Variants in FBXL18 observed in about 807,000 individuals in gnomAD.
The protein encoded by FBXL18 is F-box/LRR-repeat protein 18.
Under a neutral mutation model 46.0 loss-of-function variants are expected in FBXL18, and 36 were observed. The observed-to-expected ratio is 0.78, with a 90% CI of 0.60 to 1.03. The LOEUF is 1.03. Among genes scored for constraint, FBXL18 ranks in the 50% least tolerant of loss-of-function variants. The pLI is 0.00. For synonymous variants in FBXL18, 557 were observed against 465.3 expected, an observed-to-expected ratio of 1.20 and a Z score of -2.54; for missense variants, 977 against 1,004.1, an observed-to-expected ratio of 0.97 and a Z score of 0.36.
chr7:5,457,439 T>C (rs1451670189), intron 4 of FBXL18, among the ~76,000 whole-genome samples: 3 of 152,150 alleles, frequency 2.0e-5, no homozygotes, highest in Non-Finnish European at 2.9e-5. Context: ...CACTGCACAT[T>C]TTCCATCACA....
intron 1 of FBXL18, among the ~76,000 whole-genome samples, chr7:5,506,014 G>C (rs139792341): frequency 6.6e-6 from 1 of 152,136 alleles, no homozygotes; most frequent in Non-Finnish European, 1.5e-5. Flanking sequence ...ACAGACGCAT[G>C]CCACTTTGTC....
chr7:5,461,793 T>C (rs1204740633), intron 4 of FBXL18, among the ~76,000 whole-genome samples: 1 of 151,966 alleles, frequency 6.6e-6, no homozygotes, highest in East Asian at 1.9e-4. Context: ...ATACAAAAAT[T>C]GGCCAGGCAT....
At chr7:5,474,797 T>G (rs1238885621), downstream of FBXL18, among the ~76,000 whole-genome samples, 6 of 150,770 alleles carry the variant, frequency 4.0e-5, no homozygotes, top group Non-Finnish European at 8.9e-5. Flanking sequence ...AAGCTCCGCC[T>G]CCCGGGTTCA....
At chr7:5,461,998 C>G (rs946378255) in intron 4 of FBXL18, among the ~76,000 whole-genome samples, 3 of 151,976 alleles carry the variant, frequency 2.0e-5, no homozygotes, top group African/African-American at 7.2e-5. Context: ...CTCCTGTAAT[C>G]CCAGCACTAT....
chr7:5,465,921 G>T (rs1584184908), intron 4 of FBXL18, among the ~76,000 whole-genome samples: 1 of 151,664 alleles, frequency 6.6e-6, no homozygotes, highest in South Asian at 2.1e-4. Flanking sequence ...AGGTTCAAGC[G>T]ATTCTCCTGC....
At position 5,506,553 on chromosome 7, in the gene FBXL18, C is replaced by CTTTTTT. The variant is rs111764029; in HGVS notation, c.19-929_19-924dup. Among the ~76,000 whole-genome samples, 45 of 138,898 alleles carry CTTTTTT rather than the reference C, an allele frequency of 3.2e-4. No homozygotes were observed. The Middle Eastern group carries it at 0.011, about 35-fold the overall frequency. 91.1% of individuals were successfully genotyped at this position (138,898 alleles called of 152,430 possible). ...TGCAGGTGTGAGCCACCATGCCCGG[C>CTTTTTT]TTTTTTTTTTTTTTTCTTTTGGAGA... On this transcript the variant is annotated intron_variant, in intron 1 of 4. Coordinates refer to ENST00000382368, the MANE Select transcript of FBXL18 (RefSeq NM_024963.6).
chr7:5,509,410 T>A (rs1784472458), intron 1 of FBXL18, among the ~76,000 whole-genome samples: 1 of 152,140 alleles, frequency 6.6e-6, no homozygotes, highest in Non-Finnish European at 1.5e-5. Context: ...AACAGAAATT[T>A]TGGACAGGCG....
At chr7:5,456,035 A>G (rs964326195) in intron 4 of FBXL18, among the ~76,000 whole-genome samples, 2 of 151,868 alleles carry the variant, frequency 1.3e-5, no homozygotes, top group East Asian at 1.9e-4. Flanking sequence ...AGTCCTTCTC[A>G]GCATCTGCTT....
chr7:5,482,600 T>C (rs546029147), intron 4 of FBXL18, among the ~76,000 whole-genome samples: 88 of 143,642 alleles, frequency 6.1e-4, no homozygotes, highest in African/African-American at 2.2e-3. Context: ...AGACGCTGCA[T>C]TGAGCTCGAC....
In FBXL18 at chr7:5,496,320, C is replaced by T. The variant is rs1784080040; in HGVS notation, c.1781+4168G>A. ...CCTCCACCCGCGGTGGCTGCCGTCACCTCTGCCTCTTGCTTCCGGAACACC... is the reference window on the plus strand; with the variant it reads ...CCTCCACCCGCGGTGGCTGCCGTCATCTCTGCCTCTTGCTTCCGGAACACC... On this transcript the variant is annotated intron_variant, in intron 3 of 4. Coordinates refer to ENST00000382368, the MANE Select transcript of FBXL18 (RefSeq NM_024963.6). The surrounding 1 kb of genome is among the most constrained non-coding windows in gnomAD (Gnocchi z 4.8). Among the ~76,000 whole-genome samples the T allele has an allele frequency of 6.6e-6, 1 of 152,202 alleles. No homozygotes were observed. Among genetic ancestry groups the T allele is most frequent in the Admixed American group, 6.5e-5 (1 of 15,276 alleles).
chr7:5,474,686 T>TTTTATTTA (rs57021114), downstream of FBXL18, among the ~76,000 whole-genome samples: 8,169 of 39,104 alleles, frequency 0.21, 296 homozygotes, highest in South Asian at 0.27. Flanking sequence ...GCACTTTATT[T>TTTTATTTA]TTTATTTATT....
rs183826223 is a variant in FBXL18 at position 5,508,253 on chromosome 7, A to G, written c.19-2623T>C. On this transcript the variant is annotated intron_variant, in intron 1 of 4. Transcript: ENST00000382368. ...TGCACTCCAGCCTGGTGACAGAGCA[A>G]GACTCCATCTCAAAAAAAAAAAAAG... Among the ~76,000 whole-genome samples, 14 of 148,570 alleles carry G rather than the reference A, an allele frequency of 9.4e-5. No homozygotes were observed. In the East Asian group the frequency reaches 2.8e-3, roughly 30 times the overall value.
rs2128232702 is a variant in FBXL18, at chr7:5,476,133, G to C, written c.*5642C>G. 1 of 152,792 alleles carries C rather than the reference G, an allele frequency of 6.5e-6. No homozygotes were observed. Among genetic ancestry groups the C allele is most frequent in the Middle Eastern group, 3.4e-3 (1 of 298 alleles). The allele number at this position is 152,792 out of a possible 1,614,324, so 9.5% of individuals were successfully genotyped here. A position where few individuals can be genotyped will look rare whatever the true frequency, so the allele number is the denominator to read the frequency against. ...TGCTCAGAAGGTGGCGAAGGGGCTGGAGGGAGATACCACCGACGGCTGCAG... is the reference window on the plus strand; with the variant it reads ...TGCTCAGAAGGTGGCGAAGGGGCTGCAGGGAGATACCACCGACGGCTGCAG... On this transcript the variant is annotated 3_prime_UTR_variant, in exon 5 of 5. Transcript: ENST00000382368.
At chr7:5,472,265 A>G (rs552868362), downstream of FBXL18, among the ~76,000 whole-genome samples, 2 of 152,054 alleles carry the variant, frequency 1.3e-5, no homozygotes, top group Non-Finnish European at 2.9e-5. Context: ...TGGCCACAAC[A>G]TGACCTCCCA....
chr7:5,479,288 G>A lies in FBXL18; in HGVS notation c.*2487C>T, dbSNP rs560198678. On this transcript the variant is annotated 3_prime_UTR_variant, in exon 5 of 5. Coordinates refer to ENST00000382368, the MANE Select transcript of FBXL18 (RefSeq NM_024963.6). ...TCATGAGAACAGGACACCCAGGCGC[G>A]ATCGTACACACGCTAGGATGCATTC... 3.3e-5 allele frequency: 5 copies of A among 152,304 alleles called. No homozygotes were observed. The highest frequency in any genetic ancestry group is 1.3e-4 in the Admixed American group (2 of 15,296). 9.4% of individuals were successfully genotyped at this position (152,304 alleles called of 1,614,324 possible).
Position 5,491,271 on chromosome 7 carries a change from G to T in FBXL18, c.1960C>A (p.Leu654Ile). ...VMCHLFTGES[L>I]ATCKSLQQSL... is the part of the protein sequence containing the mutation. ...TGCTGCAGGCTCTTGCAGGTGGCGAGGGACTCCCCGGTGAACAGGTGGCAC... is the reference window on the plus strand; with the variant it reads ...TGCTGCAGGCTCTTGCAGGTGGCGATGGACTCCCCGGTGAACAGGTGGCAC... Residue 654 changes from leucine (L) to isoleucine (I), a missense_variant, in exon 4 of 5, where the codon CTC (leucine) becomes ATC (isoleucine). Coordinates refer to ENST00000382368, the MANE Select transcript of FBXL18 (RefSeq NM_024963.6). 6.2e-7 allele frequency: 1 copy of T among 1,613,206 alleles called. No homozygotes were observed. The highest frequency in any genetic ancestry group is 1.1e-5 in the South Asian group (1 of 90,932).
chr7:5,495,784 C>G, intron 3 of FBXL18: 1 of 472,740 alleles, frequency 2.1e-6, no homozygotes. Flanking sequence ...CGTCCGGGCT[C>G]CCTTGCCGCA....
chr7:5,509,465 C>A (rs933755019), intron 1 of FBXL18, among the ~76,000 whole-genome samples: 2 of 151,818 alleles, frequency 1.3e-5, no homozygotes, highest in East Asian at 1.9e-4. Flanking sequence ...GAGGCCAAAG[C>A]GGGTGGATCA....
At chr7:5,463,728 A>ATTTATTTTT (rs1562672288) in intron 4 of FBXL18, among the ~76,000 whole-genome samples, 31 of 52,992 alleles carry the variant, frequency 5.8e-4, no homozygotes, top group African/African-American at 1.0e-3. Context: ...TTATTTATTT[A>ATTTATTTTT]TTTTTTTTTT....
Sources: allele counts gnomAD v4.1 joint callset (sites outside exome capture counted in the v4.1 genomes callset), GRCh38; gene constraint gnomAD v4.1.1; non-coding constraint Gnocchi (gnomAD v3.1); transcripts MANE v1.5; gene names NCBI Gene and HGNC (gene_info 2026-07-23, HGNC 2026-07-21).